Variants in PPP3CC observed in about 807,000 individuals in gnomAD.
PPP3CC encodes the protein serine/threonine-protein phosphatase 2B catalytic subunit gamma isoform.
Under a neutral mutation model 60.3 loss-of-function variants are expected in PPP3CC, and 35 were observed. The observed-to-expected ratio is 0.58, with a 90% CI of 0.44 to 0.77. PPP3CC has a LOEUF of 0.77. Ranked by LOEUF, PPP3CC falls within the 30% of genes least tolerant of loss-of-function variation. PPP3CC has a pLI of 0.00. For synonymous variants in PPP3CC, 206 were observed against 224.3 expected, an observed-to-expected ratio of 0.92 and a Z score of 0.73; for missense variants, 570 against 628.9, an observed-to-expected ratio of 0.91 and a Z score of 1.00.
intron 5 of PPP3CC, 108 bp from the exon 6 acceptor site, chr8:22,513,185 C>A: frequency 8.7e-7 from 1 of 1,154,124 alleles, no homozygotes; most frequent in Non-Finnish European, 1.2e-6. Context: ...TGGCTTCTCT[C>A]CTAATACATT....
At chr8:22,527,584 G>T in intron 9 of PPP3CC, 67 bp downstream of exon 9, 1 of 1,519,868 alleles carries the variant, frequency 6.6e-7, no homozygotes, top group Non-Finnish European at 8.9e-7. Flanking sequence ...ATTTGCATGA[G>T]CCCCTCCATG....
intron 3 of PPP3CC, among the ~76,000 whole-genome samples, chr8:22,485,730 G>A (rs916167939): frequency 1.3e-5 from 2 of 152,192 alleles, no homozygotes; most frequent in African/African-American, 4.8e-5. Flanking sequence ...TTTTATTTGT[G>A]AAGAAAGAAT....
At chr8:22,498,599 C>G (rs1253316096) in intron 4 of PPP3CC, among the ~76,000 whole-genome samples, 2 of 152,040 alleles carry the variant, frequency 1.3e-5, no homozygotes, top group South Asian at 2.1e-4. Context: ...TAAAATTGGG[C>G]TCATATGTAC....
chr8:22,492,329 CA>C (rs915153704), intron 3 of PPP3CC, among the ~76,000 whole-genome samples: 1 of 152,010 alleles, frequency 6.6e-6, no homozygotes, highest in African/African-American at 2.4e-5. Flanking sequence ...CTGGGTGAAT[CA>C]GTGAATGATG....
intron 3 of PPP3CC, among the ~76,000 whole-genome samples, chr8:22,478,441 C>T (rs182718651): frequency 9.9e-5 from 15 of 152,274 alleles, no homozygotes; most frequent in South Asian, 2.1e-4. Flanking sequence ...TGAGCCACCG[C>T]GCCCAGCCTA....
intron 1 of PPP3CC, among the ~76,000 whole-genome samples, chr8:22,449,972 T>C (rs1836959651): frequency 6.6e-6 from 1 of 151,730 alleles, no homozygotes; most frequent in Non-Finnish European, 1.5e-5. Context: ...GTTCAAGTGA[T>C]TATCCTGCCT....
chr8:22,474,669 A>C (rs1047395552), intron 1 of PPP3CC, among the ~76,000 whole-genome samples: 2 of 152,184 alleles, frequency 1.3e-5, no homozygotes, highest in Admixed American at 1.3e-4. Flanking sequence ...GTGTCACTGC[A>C]TTCCAGCCTG....
At chr8:22,467,161 T>C (rs1177161424) in intron 1 of PPP3CC, among the ~76,000 whole-genome samples, 7 of 152,154 alleles carry the variant, frequency 4.6e-5, no homozygotes, top group African/African-American at 1.4e-4. Flanking sequence ...TAAATTATGA[T>C]CTAAGTAAAT....
At chr8:22,522,832 G>A (rs893000585) in intron 8 of PPP3CC, 83 bp downstream of exon 8, 1 of 999,138 alleles carries the variant, frequency 1.0e-6, no homozygotes, top group African/African-American at 1.7e-5. Context: ...ATGTGTGTTT[G>A]TGTCATTTTA....
Position 22,454,449 on chromosome 8 carries a change from G to T in PPP3CC, c.49+12991G>T, listed in dbSNP as rs574853177. Among the ~76,000 whole-genome samples the T allele has an allele frequency of 4.6e-5, 7 of 152,026 alleles. No individual in the cohort carries two copies. The East Asian group carries it at 5.8e-4, about 13-fold the overall frequency. ...GCTGTTTTACAGTTACCTTTTTTTT[G>T]TTGTTTTTGTTTTTTGAATAAGTAG... is the stretch of plus-strand genomic sequence containing the variant. On this transcript the variant is annotated intron_variant, in intron 1 of 13. Coordinates refer to ENST00000240139, the MANE Select transcript of PPP3CC (RefSeq NM_005605.5).
intron 1 of PPP3CC, among the ~76,000 whole-genome samples, chr8:22,447,557 A>G (rs1248871729): frequency 1.3e-5 from 2 of 151,980 alleles, no homozygotes; most frequent in Admixed American, 6.6e-5. Context: ...GGCTCAAGCG[A>G]TCCTCTTGCC....
chr8:22,517,309 A>G (rs75074519), intron 6 of PPP3CC, among the ~76,000 whole-genome samples: 28 of 152,328 alleles, frequency 1.8e-4, no homozygotes, highest in African/African-American at 6.7e-4. Context: ...TGTTCATCAG[A>G]GATACTCACC....
At chr8:22,482,220 G>A (rs1056460888) in intron 3 of PPP3CC, among the ~76,000 whole-genome samples, 6 of 152,006 alleles carry the variant, frequency 3.9e-5, no homozygotes, top group Admixed American at 6.6e-5. Context: ...TTTAATGATC[G>A]CCATTCTAAC....
At chr8:22,446,151 A>G (rs968625169) in intron 1 of PPP3CC, among the ~76,000 whole-genome samples, 1 of 152,166 alleles carries the variant, frequency 6.6e-6, no homozygotes, top group Non-Finnish European at 1.5e-5. Flanking sequence ...AAAATGTACA[A>G]ATTATAAATG....
chr8:22,450,178 A>G (rs1320285049), intron 1 of PPP3CC, among the ~76,000 whole-genome samples: 1 of 152,116 alleles, frequency 6.6e-6, no homozygotes, highest in East Asian at 1.9e-4. Flanking sequence ...TGTGATGACC[A>G]TGTTTTAAAA....
At chr8:22,477,857 A>T (rs962207423) in intron 3 of PPP3CC, among the ~76,000 whole-genome samples, 1 of 151,856 alleles carries the variant, frequency 6.6e-6, no homozygotes, top group Non-Finnish European at 1.5e-5. Flanking sequence ...TTATTTATTT[A>T]TTTATTTTTT....
intron 1 of PPP3CC, among the ~76,000 whole-genome samples, chr8:22,449,069 C>G (rs1361476713): frequency 6.6e-6 from 1 of 152,002 alleles, no homozygotes; most frequent in African/African-American, 2.4e-5. Context: ...TATGATTGCA[C>G]TACTGTGTTC....
At chr8:22,520,147 T>C (rs1245182342) in intron 6 of PPP3CC, among the ~76,000 whole-genome samples, 1 of 152,116 alleles carries the variant, frequency 6.6e-6, no homozygotes, top group Non-Finnish European at 1.5e-5. Flanking sequence ...GAATATATTA[T>C]CTCCCGCTTT....
At chr8:22,513,717 A>G (rs1013493264) in intron 6 of PPP3CC, among the ~76,000 whole-genome samples, 1 of 152,140 alleles carries the variant, frequency 6.6e-6, no homozygotes, top group African/African-American at 2.4e-5. Context: ...AACATTATCT[A>G]TACACTTTTT....
Sources: gnomAD v4.1 joint callset for allele counts (sites outside exome capture counted in the v4.1 genomes callset) on GRCh38, gnomAD v4.1.1 for gene constraint, MANE v1.5 for transcripts, NCBI Gene and HGNC (gene_info 2026-07-23, HGNC 2026-07-21) for gene names.